NRXN1: variants seen among roughly 807,000 people sequenced by gnomAD.
The protein encoded by NRXN1 is neurexin-1.
Under a neutral mutation model 150.9 loss-of-function variants are expected in NRXN1, and 39 were observed. That is an observed-to-expected ratio of 0.26 (90% CI 0.20 to 0.34). The LOEUF is 0.34. Ranked by LOEUF, NRXN1 falls within the 10% of genes least tolerant of loss-of-function variation. NRXN1 has a pLI of 1.00. For missense variants in NRXN1, 1,815 were observed against 1,949.9 expected (o/e 0.93, Z 1.30); for synonymous variants, 924 against 757.0 (o/e 1.22, Z -3.62).
chr2:50,722,242 A>G (rs1696760669), intron 5 of NRXN1, among the ~76,000 whole-genome samples: 1 of 152,148 alleles, frequency 6.6e-6, no homozygotes, highest in East Asian at 1.9e-4. Flanking sequence ...AAAAATATGG[A>G]ACCCCAAAAT....
intron 5 of NRXN1, among the ~76,000 whole-genome samples, chr2:50,626,676 T>C (rs1681143620): frequency 6.6e-6 from 1 of 151,764 alleles, no homozygotes; most frequent in Non-Finnish European, 1.5e-5. Flanking sequence ...TGTCAGACAA[T>C]AAAGTTTGAT....
intron 8 of NRXN1, among the ~76,000 whole-genome samples, chr2:50,581,336 A>G (rs1672232877): frequency 6.6e-6 from 1 of 152,194 alleles, no homozygotes; most frequent in South Asian, 2.1e-4. Context: ...AAACCCTAAT[A>G]ATGATAATCC....
At chr2:50,260,468 T>C (rs759174228) in intron 17 of NRXN1, among the ~76,000 whole-genome samples, 6 of 151,766 alleles carry the variant, frequency 4.0e-5, no homozygotes, top group African/African-American at 1.4e-4. Flanking sequence ...AGACGGAGAC[T>C]CAACACATTT....
intron 18 of NRXN1, among the ~76,000 whole-genome samples, chr2:50,194,783 A>G (rs758860559): frequency 6.6e-6 from 1 of 152,188 alleles, no homozygotes; most frequent in Non-Finnish European, 1.5e-5. Context: ...CTTAATGATG[A>G]CTGTCTGAAG....
chr2:50,268,398 C>T (rs1226919235), intron 17 of NRXN1, among the ~76,000 whole-genome samples: 1 of 152,104 alleles, frequency 6.6e-6, no homozygotes, highest in African/African-American at 2.4e-5. Context: ...TAGTACTACA[C>T]CCAACAGTGA....
intron 2 of NRXN1, among the ~76,000 whole-genome samples, chr2:51,006,050 T>A (rs189419510): frequency 6.6e-6 from 1 of 151,740 alleles, no homozygotes; most frequent in East Asian, 2.0e-4. Flanking sequence ...AATCTACATT[T>A]TTTCTTGGAT....
chr2:50,700,699 A>T (rs955688521), intron 5 of NRXN1, among the ~76,000 whole-genome samples: 2 of 77,976 alleles, frequency 2.6e-5, no homozygotes, highest in Non-Finnish European at 4.7e-5. Context: ...AGAAATAAAG[A>T]TTGACCATAT....
rs747588143 is a variant in NRXN1 at position 51,026,389 on chromosome 2, C to T, written c.772+1113G>A. Reference sequence around the variant, plus strand: ...CACTCACTTTCTGTTAGAGGCTTTGCTGTATTTATACAACAGTATTTTCCT... The same window carrying T: ...CACTCACTTTCTGTTAGAGGCTTTGTTGTATTTATACAACAGTATTTTCCT... On this transcript the variant is annotated intron_variant, in intron 2 of 22. Transcript: ENST00000401669. 29 of 1,595,096 alleles carry T rather than the reference C, an allele frequency of 1.8e-5. No individual in the cohort carries two copies. Among genetic ancestry groups the T allele is most frequent in the Non-Finnish European group, 2.2e-5 (26 of 1,168,612 alleles).
intron 17 of NRXN1, among the ~76,000 whole-genome samples, chr2:50,378,151 C>T (rs1250511882): frequency 1.3e-5 from 2 of 152,096 alleles, no homozygotes; most frequent in Admixed American, 6.6e-5. Context: ...ATGCATTAGT[C>T]AATAAGTTTG....
chr2:50,335,218 T>C (rs976469247), intron 17 of NRXN1, among the ~76,000 whole-genome samples: 1 of 152,222 alleles, frequency 6.6e-6, no homozygotes, highest in African/African-American at 2.4e-5. Flanking sequence ...GTTTTAAAAA[T>C]TGATAATTAA....
intron 21 of NRXN1, among the ~76,000 whole-genome samples, chr2:50,036,362 A>G (rs1690034590): frequency 6.6e-6 from 1 of 152,064 alleles, no homozygotes; most frequent in South Asian, 2.1e-4. Flanking sequence ...AGGCCTCTCC[A>G]GCTATGTTGA....
intron 2 of NRXN1, among the ~76,000 whole-genome samples, chr2:50,975,807 T>C (rs1695730462): frequency 3.9e-5 from 6 of 151,910 alleles, no homozygotes; most frequent in Admixed American, 3.9e-4. Context: ...CCCCATACCT[T>C]TGGTACTAGT....
rs1489040868 is a variant in NRXN1 at position 50,552,769 on chromosome 2, T to G, written c.1577A>C (p.His526Pro). The change falls in exon 9 of 23, where the codon CAT (histidine) becomes CCT (proline). Residue 526 changes from histidine (H) to proline (P), a missense_variant. Transcript: ENST00000401669. ...CTGTGGGTGCTTGGCATCTTTCTGA[T>G]GTCTTGGCTTGCCATGGCTAAATAA... ...LILFSHGKPR[H>P]QKDAKHPQMI... 1 of 1,613,876 alleles carries G rather than the reference T, an allele frequency of 6.2e-7. No homozygotes were observed. Among genetic ancestry groups the G allele is most frequent in the African/African-American group, 1.3e-5 (1 of 74,940 alleles).
intron 8 of NRXN1, among the ~76,000 whole-genome samples, chr2:50,610,754 T>TTATA (rs5831144): frequency 1.6e-3 from 205 of 127,936 alleles, no homozygotes; most frequent in African/African-American, 5.1e-3. Context: ...GTAATTATAT[T>TTATA]TATATATATA....
intron 17 of NRXN1, among the ~76,000 whole-genome samples, chr2:50,369,400 T>A (rs1324291512): frequency 6.6e-6 from 1 of 151,998 alleles, no homozygotes. Flanking sequence ...ATCATAAGTA[T>A]AAAGAGTTTT....
At chr2:50,633,333 T>C (rs1164529507) in intron 5 of NRXN1, among the ~76,000 whole-genome samples, 1 of 152,084 alleles carries the variant, frequency 6.6e-6, no homozygotes, top group Non-Finnish European at 1.5e-5. Context: ...TGACAGTTTT[T>C]TAAAAGAAAG....
intron 18 of NRXN1, among the ~76,000 whole-genome samples, chr2:50,129,335 T>C (rs1357502010): frequency 6.6e-6 from 1 of 152,190 alleles, no homozygotes; most frequent in African/African-American, 2.4e-5. Context: ...ATTCTTTCAC[T>C]GAAATTGGAC....
chr2:50,272,529 T>C (rs893427672), intron 17 of NRXN1, among the ~76,000 whole-genome samples: 1 of 152,088 alleles, frequency 6.6e-6, no homozygotes, highest in Admixed American at 6.6e-5. Context: ...GAGAATCTAG[T>C]TTCAATGAAG....
rs2103974294 is a variant in NRXN1, at chr2:49,920,662, G to T, written c.*1282C>A. 1 of 150,960 alleles carries T rather than the reference G, an allele frequency of 6.6e-6. No homozygotes were observed. Among genetic ancestry groups the T allele is most frequent in the South Asian group, 2.1e-4 (1 of 4,770 alleles). The allele number at this position is 150,960 out of a possible 1,614,324, so 9.4% of individuals were successfully genotyped here. A position where few individuals can be genotyped will look rare whatever the true frequency, so the allele number is the denominator to read the frequency against. On this transcript the variant is annotated 3_prime_UTR_variant, in exon 23 of 23. Coordinates refer to ENST00000401669, the MANE Select transcript of NRXN1 (RefSeq NM_001330078.2). ...ATATTTGCTACTGTATGCACGTTTG[G>T]ATCTTCCAGCATATCTGATGGATTG...
Sources: allele counts gnomAD v4.1 joint callset (sites outside exome capture counted in the v4.1 genomes callset), GRCh38; gene constraint gnomAD v4.1.1; transcripts MANE v1.5; gene names NCBI Gene and HGNC (gene_info 2026-07-23, HGNC 2026-07-21).